MTSS1: variants seen among roughly 807,000 people sequenced by gnomAD.
MTSS1 encodes protein MTSS 1.
MTSS1 carries 18 observed loss-of-function variants against 79.0 expected under a neutral mutation model. The observed-to-expected ratio is 0.23, with a 90% confidence interval of 0.16 to 0.34. The LOEUF is 0.34. Ranked by LOEUF, MTSS1 falls within the 10% of genes least tolerant of loss-of-function variation. MTSS1 has a pLI of 1.00. For synonymous variants in MTSS1, 341 were observed against 368.6 expected (o/e 0.93, Z 0.86); for missense variants, 815 against 986.2 (o/e 0.83, Z 2.33).
At chr8:124,641,752 G>A (rs1818093366) in intron 3 of MTSS1, among the ~76,000 whole-genome samples, 1 of 152,222 alleles carries the variant, frequency 6.6e-6, no homozygotes, top group South Asian at 2.1e-4. Context: ...TGGAGTCAGA[G>A]TGTTCCCCAC....
chr8:124,596,412 C>A (rs1487264536), intron 3 of MTSS1, among the ~76,000 whole-genome samples: 2 of 152,220 alleles, frequency 1.3e-5, no homozygotes, highest in East Asian at 3.8e-4. Flanking sequence ...CCATAACAAG[C>A]AAATGCTTTT....
Position 124,568,548 on chromosome 8 carries a change from A to G in MTSS1, c.461-12T>C, listed in dbSNP as rs990247460. Reference sequence around the variant, plus strand: ...GATATCACCTCTCCCTGCAAAAAACAGAGACCCAAGCACGGCTTGCTGAAA... The same window carrying G: ...GATATCACCTCTCCCTGCAAAAAACGGAGACCCAAGCACGGCTTGCTGAAA... On this transcript the variant is annotated splice_polypyrimidine_tract_variant and intron_variant, in intron 6 of 13. Coordinates refer to ENST00000518547, the MANE Select transcript of MTSS1 (RefSeq NM_014751.6). The G allele has an allele frequency of 5.0e-6, 8 of 1,614,070 alleles. No homozygotes were observed. In the Admixed American group the frequency reaches 8.3e-5, roughly 17 times the overall value.
At chr8:124,584,919 C>T (rs1243139532) in intron 6 of MTSS1, among the ~76,000 whole-genome samples, 168 bp downstream of exon 6, 4 of 152,156 alleles carry the variant, frequency 2.6e-5, no homozygotes, top group Non-Finnish European at 5.9e-5. Context: ...CAAATTAATA[C>T]CTATTCTGCA....
chr8:124,682,920 CA>C (rs1826361191), intron 3 of MTSS1, among the ~76,000 whole-genome samples: 1 of 152,150 alleles, frequency 6.6e-6, no homozygotes, highest in African/African-American at 2.4e-5. Context: ...TTGAAGAAAA[CA>C]AAAATGGCTG....
At chr8:124,602,150 C>CT (rs1293816611) in intron 3 of MTSS1, among the ~76,000 whole-genome samples, 1 of 116,086 alleles carries the variant, frequency 8.6e-6, no homozygotes, top group Non-Finnish European at 1.7e-5. Context: ...ACAACAGCTA[C>CT]TAAAAAAAAA....
At chr8:124,572,743 C>CT (rs747243821) in intron 6 of MTSS1, among the ~76,000 whole-genome samples, 3,617 of 123,638 alleles carry the variant, frequency 0.029, 110 homozygotes, top group African/African-American at 0.055. Flanking sequence ...CTTTTCTTTT[C>CT]TTTTTTTTTT....
chr8:124,556,347 T>C lies in MTSS1; in HGVS notation c.1289A>G (p.Lys430Arg), dbSNP rs780688659. 1.9e-6 allele frequency: 3 copies of C among 1,614,204 alleles called. No individual in the cohort carries two copies. Among genetic ancestry groups the C allele is most frequent in the South Asian group, 1.1e-5 (1 of 91,084 alleles). ...GTTGGGGTCCGGTTCTCGCTTCTCT[T>C]TGCGGCGCTGCAGGGTGTTCACCAG... is the stretch of plus-strand genomic sequence containing the variant. ...QPLVNTLQRR[K>R]EKREPDPNGG... Residue 430 changes from lysine to arginine, a missense_variant, in exon 12 of 14, where the codon AAA becomes AGA. Lys to Arg is a conservative substitution (Grantham distance 26, BLOSUM62 2). Transcript: ENST00000518547.
intron 3 of MTSS1, among the ~76,000 whole-genome samples, chr8:124,611,567 C>T (rs574697179): frequency 3.3e-5 from 5 of 152,080 alleles, no homozygotes; most frequent in Admixed American, 2.0e-4. Context: ...CAATTCACCA[C>T]GTCCCTCAGC....
Position 124,591,144 on chromosome 8 carries a change from T to G in MTSS1, c.293+7A>C, listed in dbSNP as rs371132666. 2.5e-6 allele frequency: 4 copies of G among 1,613,876 alleles called. No individual in the cohort carries two copies. Among genetic ancestry groups the G allele is most frequent in the Non-Finnish European group, 3.4e-6 (4 of 1,179,760 alleles). On this transcript the variant is annotated splice_region_variant and intron_variant, in intron 4 of 13. Coordinates refer to ENST00000518547, the MANE Select transcript of MTSS1 (RefSeq NM_014751.6). ...GTTGGCGATCGGGGCCAAAACATGC[T>G]CCTCACCTCGAAAACTGCCTCAGCT...
chr8:124,568,086 G>T, intron 7 of MTSS1: 1 of 793,192 alleles, frequency 1.3e-6, no homozygotes, highest in Non-Finnish European at 1.8e-6. Context: ...TGCATTTCTA[G>T]CCAGTTCCCA....
At chr8:124,673,245 T>A (rs1334579306) in intron 3 of MTSS1, 1 of 152,108 alleles carries the variant, frequency 6.6e-6, no homozygotes, top group African/African-American at 2.4e-5. Flanking sequence ...TAGCTGGGAA[T>A]GGTAGCAGGC....
In MTSS1 at chr8:124,702,458, G is replaced by A. The variant is rs142932769; in HGVS notation, c.134+1672C>T. 2.7e-4 allele frequency among the ~76,000 whole-genome samples: 41 copies of A among 152,318 alleles called. No individual in the cohort carries two copies. The East Asian group carries it at 7.7e-3, about 29-fold the overall frequency. Reference sequence around the variant, plus strand: ...TTAAGTACAGGACTTGACAACTGGGGAAGGTGCAGTATTCCAAGTTCACTG... The same window carrying A: ...TTAAGTACAGGACTTGACAACTGGGAAAGGTGCAGTATTCCAAGTTCACTG... On this transcript the variant is annotated intron_variant, in intron 2 of 13. Transcript: ENST00000518547.
intron 3 of MTSS1, among the ~76,000 whole-genome samples, chr8:124,681,277 GA>G (rs1215636241): frequency 6.6e-6 from 1 of 151,190 alleles, no homozygotes. Context: ...GCGGCAGAGA[GA>G]AATGCCAACC....
In MTSS1 at chr8:124,604,552, A is replaced by C. The variant is rs556583613; in HGVS notation, c.209-13317T>G. Among the ~76,000 whole-genome samples the C allele has an allele frequency of 9.2e-5, 14 of 152,350 alleles. No individual in the cohort carries two copies. In the East Asian group the frequency reaches 2.7e-3, roughly 29 times the overall value. ...AATGGCAATCCTAACAACTCATTTT[A>C]ATCTTCAAGGAAGAGAAAAACATGC... On this transcript the variant is annotated intron_variant, in intron 3 of 13. Coordinates refer to ENST00000518547, the MANE Select transcript of MTSS1 (RefSeq NM_014751.6).
At chr8:124,575,638 TG>T (rs1305298970) in intron 6 of MTSS1, among the ~76,000 whole-genome samples, 2 of 152,190 alleles carry the variant, frequency 1.3e-5, no homozygotes, top group Admixed American at 6.5e-5. Context: ...TCGTTTTTGA[TG>T]TAAGAAAATG....
At chr8:124,672,409 G>A (rs572082937) in intron 3 of MTSS1, among the ~76,000 whole-genome samples, 10 of 151,494 alleles carry the variant, frequency 6.6e-5, no homozygotes, top group East Asian at 3.9e-4. Flanking sequence ...CAGGAGAATC[G>A]CTTGAACCCG....
chr8:124,613,367 G>A (rs891546803), intron 3 of MTSS1, among the ~76,000 whole-genome samples: 18 of 152,336 alleles, frequency 1.2e-4, no homozygotes, highest in African/African-American at 4.1e-4. Context: ...CTGTGCACAC[G>A]TAGTCAGATC....
chr8:124,637,829 A>G (rs1817309128), intron 3 of MTSS1, among the ~76,000 whole-genome samples: 1 of 152,254 alleles, frequency 6.6e-6, no homozygotes, highest in African/African-American at 2.4e-5. Flanking sequence ...TCATTCGTTC[A>G]TTCTGTGCAA....
rs576694678 is a variant in MTSS1 at position 124,582,031 on chromosome 8, C to T, written c.460+3056G>A. ...CCACACCATCTCCCCAGCATCCTGC[C>T]GCCTCCGTCCCTCCACCTGTCGGCA... On this transcript the variant is annotated intron_variant, in intron 6 of 13. Coordinates refer to ENST00000518547, the MANE Select transcript of MTSS1 (RefSeq NM_014751.6). This position sits in a 1 kb window ranked among gnomAD's most constrained non-coding sequence, Gnocchi z 4.8. 5.3e-5 allele frequency among the ~76,000 whole-genome samples: 8 copies of T among 152,262 alleles called. No individual in the cohort carries two copies. The highest frequency in any genetic ancestry group is 1.9e-4 in the East Asian group (1 of 5,168).
Sources: allele counts gnomAD v4.1 joint callset (sites outside exome capture counted in the v4.1 genomes callset), GRCh38; gene constraint gnomAD v4.1.1; non-coding constraint Gnocchi (gnomAD v3.1); transcripts MANE v1.5; gene names NCBI Gene and HGNC (gene_info 2026-07-23, HGNC 2026-07-21).